Variants in RALYL observed in about 807,000 individuals in gnomAD.
RALYL encodes RALY RNA binding protein like, also known as RNA-binding Raly-like protein.
In RALYL, 29 loss-of-function variants were observed where a neutral mutation model predicts 35.1. The observed-to-expected ratio is 0.83, with a 90% CI of 0.61 to 1.13. RALYL has a LOEUF of 1.13. Ranked by LOEUF, RALYL falls within the 50% of genes most tolerant of loss-of-function variation. RALYL has a pLI of 0.00. For synonymous variants in RALYL, 120 were observed against 127.6 expected (o/e 0.94, Z 0.40); for missense variants, 359 against 360.4 (o/e 1.00, Z 0.03).
intron 4 of RALYL, among the ~76,000 whole-genome samples, chr8:84,807,834 A>T (rs144021177): frequency 1.3e-4 from 20 of 152,276 alleles, no homozygotes; most frequent in South Asian, 1.0e-3. Flanking sequence ...CTATCTATTC[A>T]TGTAATTAAC....
At chr8:84,659,080 A>G (rs1830440578) in intron 2 of RALYL, among the ~76,000 whole-genome samples, 1 of 152,186 alleles carries the variant, frequency 6.6e-6, no homozygotes, top group South Asian at 2.1e-4. Flanking sequence ...ATAATGTTTA[A>G]TGGCATATTT....
chr8:84,437,617 T>C (rs1282171481), intron 1 of RALYL, among the ~76,000 whole-genome samples: 1 of 152,090 alleles, frequency 6.6e-6, no homozygotes, highest in East Asian at 1.9e-4. Flanking sequence ...GTGATATAGA[T>C]TGGATATTTG....
At chr8:84,858,958 C>G (rs900855832) in intron 5 of RALYL, among the ~76,000 whole-genome samples, 1 of 152,130 alleles carries the variant, frequency 6.6e-6, no homozygotes, top group East Asian at 1.9e-4. Flanking sequence ...CTCGTGTTAG[C>G]CCATGTTACT....
At chr8:84,257,573 T>A (rs1386737107) in intron 1 of RALYL, among the ~76,000 whole-genome samples, 1 of 152,106 alleles carries the variant, frequency 6.6e-6, no homozygotes, top group African/African-American at 2.4e-5. Context: ...TTCATCAACA[T>A]CGTCATGGAG....
At chr8:84,582,414 T>C (rs1338884894) in intron 2 of RALYL, among the ~76,000 whole-genome samples, 2 of 152,098 alleles carry the variant, frequency 1.3e-5, no homozygotes, top group African/African-American at 4.8e-5. Context: ...TCATACCATA[T>C]TGGAAACGCT....
At chr8:84,257,287 C>G (rs1378375074) in intron 1 of RALYL, among the ~76,000 whole-genome samples, 1 of 151,950 alleles carries the variant, frequency 6.6e-6, no homozygotes, top group African/African-American at 2.4e-5. Flanking sequence ...GTTGGTAGAG[C>G]CCCACTTTCA....
At chr8:84,196,879 C>G (rs1265911974) in intron 1 of RALYL, among the ~76,000 whole-genome samples, 1 of 152,136 alleles carries the variant, frequency 6.6e-6, no homozygotes, top group Non-Finnish European at 1.5e-5. Context: ...TTAAATTTAT[C>G]TTGATACTTA....
Position 84,242,886 on chromosome 8 carries a change from T to C in RALYL, c.-24+58462T>C, listed in dbSNP as rs114238557. On this transcript the variant is annotated intron_variant, in intron 1 of 8. Coordinates refer to ENST00000521268, the MANE Select transcript of RALYL (RefSeq NM_173848.7). The stretch of plus-strand genomic sequence containing the variant: ...AATTTTTGCTCTTGTTACAATTGCT[T>C]TTGACATTTTCATGATGAAATTTTT... Among the ~76,000 whole-genome samples the C allele has an allele frequency of 2.8e-3, 433 of 152,344 alleles. 1 individual carries two copies. The highest frequency in any genetic ancestry group is 0.01 in the African/African-American group (424 of 41,580).
intron 2 of RALYL, among the ~76,000 whole-genome samples, chr8:84,657,429 A>G (rs1230374906): frequency 6.6e-6 from 1 of 152,184 alleles, no homozygotes. Flanking sequence ...CTCAACCGAA[A>G]CTGGTTATGG....
At chr8:84,358,977 T>C (rs1055931625) in intron 1 of RALYL, among the ~76,000 whole-genome samples, 1 of 152,144 alleles carries the variant, frequency 6.6e-6, no homozygotes, top group South Asian at 2.1e-4. Context: ...GATGATTAAA[T>C]TGATGGCAAA....
intron 1 of RALYL, among the ~76,000 whole-genome samples, chr8:84,439,711 G>T (rs1014207087): frequency 2.6e-5 from 4 of 151,822 alleles, no homozygotes; most frequent in Admixed American, 6.6e-5. Context: ...CCTGATTTTA[G>T]TAATTAAAAC....
intron 2 of RALYL, among the ~76,000 whole-genome samples, chr8:84,745,764 T>C (rs975316570): frequency 6.6e-6 from 1 of 152,108 alleles, no homozygotes; most frequent in Non-Finnish European, 1.5e-5. Context: ...CTAATGTGTA[T>C]AGATCTCACT....
chr8:84,642,978 C>G (rs1378155136), intron 2 of RALYL, among the ~76,000 whole-genome samples: 1 of 151,902 alleles, frequency 6.6e-6, no homozygotes, highest in East Asian at 1.9e-4. Context: ...GTGGAGGGAG[C>G]TAAGGATGCT....
intron 1 of RALYL, among the ~76,000 whole-genome samples, chr8:84,358,886 A>T (rs975122160): frequency 6.6e-6 from 1 of 152,108 alleles, no homozygotes; most frequent in African/African-American, 2.4e-5. Flanking sequence ...GTAGTAGCTT[A>T]TTGGAGAAGT....
intron 1 of RALYL, among the ~76,000 whole-genome samples, chr8:84,307,206 T>C (rs1841981577): frequency 6.6e-6 from 1 of 152,166 alleles, no homozygotes; most frequent in African/African-American, 2.4e-5. Flanking sequence ...TGTGTATTTA[T>C]ATGGAGAGTA....
intron 1 of RALYL, among the ~76,000 whole-genome samples, chr8:84,308,384 A>T (rs571631909): frequency 1.3e-5 from 2 of 152,146 alleles, no homozygotes; most frequent in African/African-American, 2.4e-5. Context: ...TATTTAAAAC[A>T]GTCTCAACTC....
intron 1 of RALYL, among the ~76,000 whole-genome samples, chr8:84,384,427 G>T (rs922489724): frequency 6.6e-6 from 1 of 151,732 alleles, no homozygotes; most frequent in Admixed American, 6.6e-5. Context: ...TTTTTATCAT[G>T]TGACTCTATT....
chr8:84,642,992 G>C (rs1366887045), intron 2 of RALYL, among the ~76,000 whole-genome samples: 1 of 151,942 alleles, frequency 6.6e-6, no homozygotes, highest in Non-Finnish European at 1.5e-5. Flanking sequence ...GGATGCTTTT[G>C]GCCCAAAGGA....
At chr8:84,660,093 A>G (rs1025032841) in intron 2 of RALYL, among the ~76,000 whole-genome samples, 2 of 152,136 alleles carry the variant, frequency 1.3e-5, no homozygotes, top group East Asian at 3.8e-4. Context: ...TTGAAGTGAT[A>G]TAGGCATGGC....
Sources: allele counts gnomAD v4.1 joint callset (sites outside exome capture counted in the v4.1 genomes callset), GRCh38; gene constraint gnomAD v4.1.1; transcripts MANE v1.5; gene names NCBI Gene and HGNC (gene_info 2026-07-23, HGNC 2026-07-21).